The following CDK14 variants were observed in gnomAD, a reference collection of about 807,000 sequenced individuals.
CDK14 encodes the protein cyclin dependent kinase 14, also known as cyclin-dependent kinase 14.
Under a neutral mutation model 60.7 loss-of-function variants are expected in CDK14, and 34 were observed. The observed-to-expected ratio is 0.56, with a 90% confidence interval of 0.43 to 0.75. CDK14 has a LOEUF of 0.75. Among genes scored for constraint, CDK14 ranks in the 30% least tolerant of loss-of-function variants. The pLI, the probability that CDK14 is intolerant of heterozygous loss-of-function variation, is 0.00. For synonymous variants in CDK14, 197 were observed against 203.7 expected (o/e 0.97, Z 0.28); for missense variants, 482 against 564.1 (o/e 0.85, Z 1.47).
intron 5 of CDK14, among the ~76,000 whole-genome samples, chr7:90,840,648 G>A (rs937227821): frequency 6.6e-6 from 1 of 152,158 alleles, no homozygotes; most frequent in Non-Finnish European, 1.5e-5. Context: ...AGGACAATAT[G>A]GTAGTTCTGG....
Position 90,604,164 on chromosome 7 carries a change from A to G in CDK14, c.92-54A>G. ...TTTTTTTTTCTGTTTTCTATAACTT[A>G]GTCTCTTTGGAATTTTTCACAATAA... On this transcript the variant is annotated intron_variant, in intron 1 of 14. Coordinates refer to ENST00000380050, the MANE Select transcript of CDK14 (RefSeq NM_001287135.2). 8.5e-6 allele frequency: 10 copies of G among 1,179,660 alleles called. No individual in the cohort carries two copies. In the South Asian group the frequency reaches 1.3e-4, roughly 15 times the overall value. 73.1% of individuals were successfully genotyped at this position (1,179,660 alleles called of 1,614,324 possible).
rs17864076 is a variant in CDK14 at position 90,603,074 on chromosome 7, C to G, written c.92-1144C>G. Among the ~76,000 whole-genome samples, 10 of 150,808 alleles carry G rather than the reference C, an allele frequency of 6.6e-5. No homozygotes were observed. The East Asian group carries it at 2.0e-3, about 29-fold the overall frequency. On this transcript the variant is annotated intron_variant, in intron 1 of 14. Transcript: ENST00000380050. ...AGAACAAAGCTTTCCAATAGCTACC[C>G]AAGTGCTTCTATCCAGACTAAATCA...
At chr7:90,804,429 CCTTT>C (rs1248059156) in intron 5 of CDK14, among the ~76,000 whole-genome samples, 1 of 152,044 alleles carries the variant, frequency 6.6e-6, no homozygotes, top group Non-Finnish European at 1.5e-5. Context: ...TAACAATCAC[CCTTT>C]CTGTCTGTCA....
intron 6 of CDK14, among the ~76,000 whole-genome samples, chr7:90,892,924 G>T (rs1267034883): frequency 6.6e-6 from 1 of 152,112 alleles, no homozygotes; most frequent in Non-Finnish European, 1.5e-5. Context: ...GACTACAGGC[G>T]TGCACCACCA....
At chr7:90,880,972 A>C (rs1791730734) in intron 6 of CDK14, among the ~76,000 whole-genome samples, 1 of 152,222 alleles carries the variant, frequency 6.6e-6, no homozygotes, top group Admixed American at 6.5e-5. Context: ...GGACAAACTC[A>C]TGAAGATGAG....
chr7:90,664,918 A>G (rs1279908644), intron 2 of CDK14, among the ~76,000 whole-genome samples: 1 of 152,190 alleles, frequency 6.6e-6, no homozygotes, highest in African/African-American at 2.4e-5. Context: ...GTGCACATGT[A>G]CTGTAAAACT....
chr7:90,896,983 G>A (rs1333537924), intron 6 of CDK14, among the ~76,000 whole-genome samples: 1 of 152,066 alleles, frequency 6.6e-6, no homozygotes, highest in East Asian at 1.9e-4. Flanking sequence ...ATTTAATTGT[G>A]TTATATCCTT....
At chr7:90,823,593 T>A (rs1349022252) in intron 5 of CDK14, among the ~76,000 whole-genome samples, 1 of 152,190 alleles carries the variant, frequency 6.6e-6, no homozygotes, top group East Asian at 1.9e-4. Context: ...AGAAAGTGCA[T>A]GCAGCAAGTT....
intron 2 of CDK14, among the ~76,000 whole-genome samples, chr7:90,715,866 T>C (rs1427755752): frequency 6.6e-5 from 10 of 151,870 alleles, no homozygotes; most frequent in African/African-American, 2.4e-4. Flanking sequence ...AGTCACCCGC[T>C]TGCTCTGCTT....
At position 90,637,498 on chromosome 7, in the gene CDK14, GAT is replaced by G. The variant is rs1380530733; in HGVS notation, c.123+33251_123+33252del. 2.0e-5 allele frequency among the ~76,000 whole-genome samples: 3 copies of G among 151,548 alleles called. No homozygotes were observed. The East Asian group carries it at 5.8e-4, about 29-fold the overall frequency. ...AGTTTGATTGCACTGTGGTCTGAGAGATAGTTTGTTATAATTTCTGTTCTTTT... is the reference window on the plus strand; with the variant it reads ...AGTTTGATTGCACTGTGGTCTGAGAGAGTTTGTTATAATTTCTGTTCTTTT... On this transcript the variant is annotated intron_variant, in intron 2 of 14. Transcript: ENST00000380050.
chr7:91,053,777 G>A (rs201187858), intron 11 of CDK14, among the ~76,000 whole-genome samples: 1 of 152,102 alleles, frequency 6.6e-6, no homozygotes, highest in African/African-American at 2.4e-5. Flanking sequence ...AATTGTTGTC[G>A]GGGTGGGATA....
chr7:90,889,693 A>G (rs980748430), intron 6 of CDK14, among the ~76,000 whole-genome samples: 23 of 152,236 alleles, frequency 1.5e-4, no homozygotes, highest in Non-Finnish European at 2.5e-4. Context: ...TGTATGTGGT[A>G]TACTGGTAGA....
At chr7:91,020,509 T>C (rs1796406310) in intron 10 of CDK14, among the ~76,000 whole-genome samples, 1 of 152,196 alleles carries the variant, frequency 6.6e-6, no homozygotes, top group Non-Finnish European at 1.5e-5. Flanking sequence ...CATGCATGCA[T>C]GAGTATATAA....
At chr7:90,895,847 A>G (rs1792321030) in intron 6 of CDK14, among the ~76,000 whole-genome samples, 1 of 148,420 alleles carries the variant, frequency 6.7e-6, no homozygotes, top group African/African-American at 2.5e-5. Flanking sequence ...AAGTGCTGGG[A>G]TTACAGACAT....
chr7:90,676,946 G>GTTTTTTTTTTT (rs10668053), intron 2 of CDK14, among the ~76,000 whole-genome samples: 1 of 149,086 alleles, frequency 6.7e-6, no homozygotes. Context: ...TGTATATCAA[G>GTTTTTTTTTTT]TTTTTTTTTT....
intron 5 of CDK14, among the ~76,000 whole-genome samples, chr7:90,850,736 G>A (rs1202671888): frequency 6.6e-6 from 1 of 152,164 alleles, no homozygotes; most frequent in African/African-American, 2.4e-5. Context: ...CTCTCCATCA[G>A]GAGCCTGTTG....
intron 4 of CDK14, among the ~76,000 whole-genome samples, chr7:90,773,693 T>G (rs568266725): frequency 6.6e-6 from 1 of 151,992 alleles, no homozygotes; most frequent in African/African-American, 2.4e-5. Context: ...TTAAAGACTG[T>G]TATCTTGATT....
At chr7:90,971,440 A>G (rs1230409942) in intron 9 of CDK14, among the ~76,000 whole-genome samples, 1 of 152,286 alleles carries the variant, frequency 6.6e-6, no homozygotes. Flanking sequence ...TTCCAAGCTA[A>G]CAAAGCTAGG....
chr7:91,060,337 G>T (rs1470855648), intron 11 of CDK14, among the ~76,000 whole-genome samples: 1 of 151,782 alleles, frequency 6.6e-6, no homozygotes, highest in Non-Finnish European at 1.5e-5. Context: ...ACACTAATGG[G>T]TCTTGACTCT....
Sources: allele counts gnomAD v4.1 joint callset (sites outside exome capture counted in the v4.1 genomes callset), GRCh38; gene constraint gnomAD v4.1.1; transcripts MANE v1.5; gene names NCBI Gene and HGNC (gene_info 2026-07-23, HGNC 2026-07-21).